Variants in CSMD2 observed in about 807,000 individuals in gnomAD.
The protein encoded by CSMD2 is CUB and Sushi multiple domains 2.
In CSMD2, 130 loss-of-function variants were observed where a neutral mutation model predicts 398.5. The observed-to-expected ratio is 0.33, with a 90% CI of 0.28 to 0.38. The LOEUF (loss-of-function observed/expected upper bound fraction) is 0.38. Among genes scored for constraint, CSMD2 ranks in the 10% least tolerant of loss-of-function variants. The pLI, the probability that CSMD2 is intolerant of heterozygous loss-of-function variation, is 1.00. For synonymous variants in CSMD2, 1,828 were observed against 1,908.5 expected, an observed-to-expected ratio of 0.96 and a Z score of 1.10; for missense variants, 3,829 against 4,764.9, an observed-to-expected ratio of 0.80 and a Z score of 5.78.
At chr1:33,806,150 G>A (rs965408393) in intron 10 of CSMD2, among the ~76,000 whole-genome samples, 1 of 152,160 alleles carries the variant, frequency 6.6e-6, no homozygotes, top group Non-Finnish European at 1.5e-5. Context: ...AGTTAAATCT[G>A]CACCCATAGT....
At chr1:34,065,491 C>T (rs568806459) in intron 2 of CSMD2, among the ~76,000 whole-genome samples, 19 of 152,274 alleles carry the variant, frequency 1.2e-4, no homozygotes, top group African/African-American at 4.6e-4. Flanking sequence ...GTACCACCAG[C>T]CCTAAGCAGG....
Position 33,635,614 on chromosome 1 carries a change from T to C in CSMD2, c.4970-284A>G, listed in dbSNP as rs997545413. 3.3e-5 allele frequency among the ~76,000 whole-genome samples: 5 copies of C among 152,186 alleles called. No homozygotes were observed. The highest frequency in any genetic ancestry group is 1.2e-4 in the African/African-American group (5 of 41,454). On this transcript the variant is annotated intron_variant, in intron 30 of 70. Coordinates refer to ENST00000373381, the MANE Select transcript of CSMD2 (RefSeq NM_001281956.2). This position sits in a 1 kb window ranked among gnomAD's most constrained non-coding sequence, Gnocchi z 5.0. ...TTAACCCTGGCATTGGTCCCTGAAG[T>C]CACAGCCTTAGGGAGCACATTAGGA...
chr1:33,941,887 T>C (rs1644687024), intron 3 of CSMD2, among the ~76,000 whole-genome samples: 1 of 152,034 alleles, frequency 6.6e-6, no homozygotes, highest in African/African-American at 2.4e-5. Context: ...ATAAAGTTAA[T>C]ATACTTCATA....
chr1:33,559,430 A>G lies in CSMD2; in HGVS notation c.8424T>C (p.Thr2808=), dbSNP rs16835593. The G allele has an allele frequency of 0.15, 233,899 of 1,535,896 alleles. 19,436 individuals are homozygous for G. The highest frequency in any genetic ancestry group is 0.28 in the East Asian group (11,304 of 40,898). The change falls in exon 54 of 71, where the codon ACT becomes ACC. Residue 2808 remains threonine (T), a synonymous_variant. Coordinates refer to ENST00000373381, the MANE Select transcript of CSMD2 (RefSeq NM_001281956.2). The surrounding 1 kb of genome is among the most constrained non-coding windows in gnomAD (Gnocchi z 4.0). ...CGTTGAGGTTAAACTGGTTACCCTG[A>G]GTGAGGCCGTTGACAGGGTTGCCTG... ...GHPGNPVNGL[T]QGNQFNLNDV...
rs80001113 is a variant in CSMD2, at chr1:33,558,030, A to G, written c.8555-108T>C. ...CCTGTCGGGAGGGTGAGCTGGTCCC[A>G]AGGTTGCTGGACTTCTCCCCTCACC... On this transcript the variant is annotated intron_variant, in intron 54 of 70. Coordinates refer to ENST00000373381, the MANE Select transcript of CSMD2 (RefSeq NM_001281956.2). 14,610 of 1,004,732 alleles carry G rather than the reference A, an allele frequency of 0.015. 1,297 individuals carry two copies. In the African/African-American group the frequency reaches 0.2, roughly 14 times the overall value. 62.2% of individuals were successfully genotyped at this position (1,004,732 alleles called of 1,614,324 possible).
intron 56 of CSMD2, among the ~76,000 whole-genome samples, chr1:33,546,909 TGACA>T (rs1052849901): frequency 2.0e-5 from 3 of 152,212 alleles, no homozygotes; most frequent in Admixed American, 2.0e-4. Flanking sequence ...TATCTTTAAT[TGACA>T]AATAATCATT....
At position 33,614,550 on chromosome 1, in the gene CSMD2, G is replaced by A; in HGVS notation, c.6087C>T (p.Pro2029=). The part of the protein sequence containing the change: ...ILSPGFPGNY[P]SNMDCSWKIA... ...TTTTCCAGGAGCAGTCCATGTTACTGGGGTAGTTGCCTGGGAAGCCGGGGC... is the reference window on the plus strand; with the variant it reads ...TTTTCCAGGAGCAGTCCATGTTACTAGGGTAGTTGCCTGGGAAGCCGGGGC... The change falls in exon 40 of 71, where the codon CCC becomes CCT. Residue 2029 remains proline, a synonymous_variant. Transcript: ENST00000373381. 6.2e-7 allele frequency: 1 copy of A among 1,612,536 alleles called. No homozygotes were observed. Among genetic ancestry groups the A allele is most frequent in the Non-Finnish European group, 8.5e-7 (1 of 1,178,888 alleles).
intron 3 of CSMD2, among the ~76,000 whole-genome samples, chr1:34,013,999 G>T (rs1486675678): frequency 1.3e-5 from 2 of 152,134 alleles, no homozygotes; most frequent in African/African-American, 4.8e-5. Flanking sequence ...TGCCACCTCA[G>T]TTAAGGGCAG....
chr1:34,054,990 T>C (rs1329477128), intron 2 of CSMD2, among the ~76,000 whole-genome samples: 1 of 152,096 alleles, frequency 6.6e-6, no homozygotes, highest in African/African-American at 2.4e-5. Context: ...AAGAATAATA[T>C]AATAAGCACC....
At chr1:33,805,508 A>G (rs925295280) in intron 10 of CSMD2, among the ~76,000 whole-genome samples, 1 of 152,248 alleles carries the variant, frequency 6.6e-6, no homozygotes, top group Admixed American at 6.5e-5. Flanking sequence ...AAATAAAAAT[A>G]AAAATAAAAA....
At chr1:33,793,458 C>T (rs969921832) in intron 10 of CSMD2, among the ~76,000 whole-genome samples, 2 of 152,152 alleles carry the variant, frequency 1.3e-5, no homozygotes, top group African/African-American at 4.8e-5. Context: ...TACCTGCTAG[C>T]TGCCTGGCTC....
intron 14 of CSMD2, among the ~76,000 whole-genome samples, chr1:33,740,542 T>G (rs1488532683): frequency 6.6e-6 from 1 of 152,054 alleles, no homozygotes; most frequent in Admixed American, 6.5e-5. Context: ...GCAGATGAGG[T>G]AAGGGAGCCT....
At chr1:33,754,563 G>A (rs138196609) in intron 13 of CSMD2, among the ~76,000 whole-genome samples, 4 of 152,298 alleles carry the variant, frequency 2.6e-5, no homozygotes, top group African/African-American at 9.6e-5. Flanking sequence ...GGCTAATAAA[G>A]GAAGAGCATA....
intron 1 of CSMD2, among the ~76,000 whole-genome samples, chr1:34,093,634 G>C (rs1013602530): frequency 1.3e-5 from 2 of 151,788 alleles, no homozygotes; most frequent in Non-Finnish European, 2.9e-5. Flanking sequence ...GAGCCGATGC[G>C]ATCAACTGGA....
chr1:34,059,083 G>T (rs1308562542), intron 2 of CSMD2, among the ~76,000 whole-genome samples: 6 of 152,184 alleles, frequency 3.9e-5, no homozygotes, highest in Admixed American at 6.5e-5. Flanking sequence ...CAGGACACAA[G>T]TAAGTGAGCA....
At chr1:33,853,453 CATTCA>C (rs1322876139) in intron 5 of CSMD2, among the ~76,000 whole-genome samples, 1 of 152,246 alleles carries the variant, frequency 6.6e-6, no homozygotes, top group Non-Finnish European at 1.5e-5. Flanking sequence ...CATTCCAAAG[CATTCA>C]ATTTAGTTTC....
chr1:33,699,076 A>G (rs1457846344), intron 23 of CSMD2, 132 bp from the exon 24 acceptor site: 1 of 654,082 alleles, frequency 1.5e-6, no homozygotes, highest in East Asian at 2.8e-5. Flanking sequence ...TGGATTCACC[A>G]GTCAGGATTT....
At chr1:34,152,104 G>T (rs1348940026) in intron 1 of CSMD2, among the ~76,000 whole-genome samples, 1 of 152,098 alleles carries the variant, frequency 6.6e-6, no homozygotes, top group Non-Finnish European at 1.5e-5. Context: ...TCCCACCTCG[G>T]CCTTCCAAAC....
intron 1 of CSMD2, among the ~76,000 whole-genome samples, chr1:34,098,296 G>C (rs1426664011): frequency 3.7e-5 from 5 of 134,142 alleles, no homozygotes; most frequent in South Asian, 2.6e-4. Flanking sequence ...ATAGCATTGG[G>C]AGATATACCT....
Sources: gnomAD v4.1 joint callset for allele counts (sites outside exome capture counted in the v4.1 genomes callset) on GRCh38, gnomAD v4.1.1 for gene constraint, Gnocchi (gnomAD v3.1) non-coding constraint, MANE v1.5 for transcripts, NCBI Gene and HGNC (gene_info 2026-07-23, HGNC 2026-07-21) for gene names.